Variants in ATRNL1 observed in about 807,000 individuals in gnomAD.
ATRNL1 encodes the protein attractin-like protein 1.
ATRNL1 carries 95 observed loss-of-function variants against 182.7 expected under a neutral mutation model. The ratio of observed to expected loss-of-function variants is 0.52; its 90% CI spans 0.44 to 0.62. ATRNL1 has a LOEUF of 0.62. Among genes scored for constraint, ATRNL1 ranks in the 20% least tolerant of loss-of-function variants. The pLI is 0.00. For synonymous variants in ATRNL1, 576 were observed against 568.3 expected (o/e 1.01, Z -0.19); for missense variants, 1,471 against 1,679.5 (o/e 0.88, Z 2.17).
intron 26 of ATRNL1, among the ~76,000 whole-genome samples, chr10:115,603,137 T>C (rs1486188014): frequency 6.6e-6 from 1 of 152,162 alleles, no homozygotes; most frequent in Non-Finnish European, 1.5e-5. Context: ...TGAGATTTAA[T>C]GGACGTTTCA....
At chr10:115,925,469 T>C (rs932742252) in intron 28 of ATRNL1, among the ~76,000 whole-genome samples, 1 of 152,004 alleles carries the variant, frequency 6.6e-6, no homozygotes, top group Non-Finnish European at 1.5e-5. Flanking sequence ...ACTGGTAAAT[T>C]GGATAAAGAG....
At chr10:115,479,058 T>G (rs1449536091) in intron 24 of ATRNL1, among the ~76,000 whole-genome samples, 1 of 151,588 alleles carries the variant, frequency 6.6e-6, no homozygotes, top group Non-Finnish European at 1.5e-5. Flanking sequence ...AAAGGCAGGT[T>G]TTATCTTTTC....
At chr10:115,581,449 C>A (rs1855071490) in intron 26 of ATRNL1, among the ~76,000 whole-genome samples, 1 of 152,022 alleles carries the variant, frequency 6.6e-6, no homozygotes, top group Admixed American at 6.6e-5. Flanking sequence ...CCTGCACTCT[C>A]ATTTGAACTA....
rs568411447 is a variant in ATRNL1 at position 115,429,335 on chromosome 10, T to A, written c.3322+3033T>A. On this transcript the variant is annotated intron_variant, in intron 21 of 28. Transcript: ENST00000355044. Reference sequence around the variant, plus strand: ...TGCTTGGATTTTTAAATGCAGTTAATTATATTACATGAAAATAAGCACAAT... The same window carrying A: ...TGCTTGGATTTTTAAATGCAGTTAAATATATTACATGAAAATAAGCACAAT... 3.3e-5 allele frequency among the ~76,000 whole-genome samples: 5 copies of A among 152,274 alleles called. No homozygotes were observed. In the South Asian group the frequency reaches 6.2e-4, roughly 19 times the overall value.
At chr10:115,900,535 G>T (rs1952323842) in intron 28 of ATRNL1, among the ~76,000 whole-genome samples, 1 of 152,186 alleles carries the variant, frequency 6.6e-6, no homozygotes, top group Non-Finnish European at 1.5e-5. Context: ...TGCTTATGAT[G>T]TGCCAGATGC....
chr10:115,331,943 C>T (rs1427038383), intron 18 of ATRNL1, among the ~76,000 whole-genome samples: 1 of 152,186 alleles, frequency 6.6e-6, no homozygotes, highest in African/African-American at 2.4e-5. Context: ...CACTCATAAA[C>T]ATCCTCTGTG....
At chr10:115,678,433 T>C (rs1945938376) in intron 26 of ATRNL1, among the ~76,000 whole-genome samples, 1 of 152,102 alleles carries the variant, frequency 6.6e-6, no homozygotes. Context: ...TTTAAAAATT[T>C]ATGTGGAGTA....
intron 20 of ATRNL1, among the ~76,000 whole-genome samples, chr10:115,417,260 A>G (rs1358553858): frequency 1.3e-5 from 2 of 152,184 alleles, no homozygotes; most frequent in Middle Eastern, 3.2e-3. Context: ...TTGCCCACTG[A>G]TATCAGTCTC....
At chr10:115,394,291 A>G (rs1844178786) in intron 19 of ATRNL1, among the ~76,000 whole-genome samples, 1 of 152,036 alleles carries the variant, frequency 6.6e-6, no homozygotes, top group Non-Finnish European at 1.5e-5. Context: ...TAGTGATTTT[A>G]GATGTAAATT....
At chr10:115,757,497 T>A (rs1430765589) in intron 27 of ATRNL1, among the ~76,000 whole-genome samples, 1 of 152,206 alleles carries the variant, frequency 6.6e-6, no homozygotes, top group Admixed American at 6.5e-5. Flanking sequence ...CCTACTCTCT[T>A]CTGGCTTGTA....
At chr10:115,499,726 C>T (rs2133625089) in intron 24 of ATRNL1, among the ~76,000 whole-genome samples, 1 of 152,276 alleles carries the variant, frequency 6.6e-6, no homozygotes, top group Admixed American at 6.5e-5. Context: ...TGATTAACCT[C>T]TCCAAAGGAG....
chr10:115,548,623 C>A (rs1482290184), intron 25 of ATRNL1, among the ~76,000 whole-genome samples: 1 of 152,172 alleles, frequency 6.6e-6, no homozygotes, highest in Non-Finnish European at 1.5e-5. Flanking sequence ...AAATCTCTGT[C>A]ATTTTGAGAT....
intron 8 of ATRNL1, among the ~76,000 whole-genome samples, chr10:115,203,071 T>A (rs1848652257): frequency 1.3e-5 from 2 of 152,186 alleles, no homozygotes; most frequent in Non-Finnish European, 2.9e-5. Flanking sequence ...GTGGGATCGT[T>A]TATTGGAATA....
Position 115,160,108 on chromosome 10 carries a change from A to T in ATRNL1, c.898A>T (p.Ser300Cys), listed in dbSNP as rs145125782. ...GATTCTGCCAAACGTTAAACCCTTC[A>T]GTCCTTCTGTAGGTCGGGCTTCACA... is the stretch of plus-strand genomic sequence containing the variant. ...YWILPNVKPF[S>C]PSVGRASHKA... The change falls in exon 6 of 29, where the codon AGT becomes TGT. Residue 300 changes from serine to cysteine, a missense_variant. Coordinates refer to ENST00000355044, the MANE Select transcript of ATRNL1 (RefSeq NM_207303.4). 11 of 1,612,442 alleles carry T rather than the reference A, an allele frequency of 6.8e-6. No homozygotes were observed. The African/African-American group carries it at 8.0e-5, about 12-fold the overall frequency.
At chr10:115,718,233 C>G (rs1947315799) in intron 26 of ATRNL1, among the ~76,000 whole-genome samples, 1 of 152,186 alleles carries the variant, frequency 6.6e-6, no homozygotes, top group Non-Finnish European at 1.5e-5. Context: ...GGGCAAATGT[C>G]ATTTCTCTTC....
At chr10:115,552,463 A>T (rs17093257) in intron 26 of ATRNL1, among the ~76,000 whole-genome samples, 11,070 of 151,416 alleles carry the variant, frequency 0.073, 805 homozygotes, top group African/African-American at 0.19. Flanking sequence ...TACTTAAAGG[A>T]TTCTTCTTAG....
intron 27 of ATRNL1, among the ~76,000 whole-genome samples, chr10:115,765,867 C>G (rs1948845162): frequency 6.6e-6 from 1 of 152,110 alleles, no homozygotes; most frequent in African/African-American, 2.4e-5. Context: ...GTACTATATT[C>G]AACTAGTCCC....
intron 18 of ATRNL1, among the ~76,000 whole-genome samples, chr10:115,327,651 G>T (rs1485727159): frequency 2.7e-5 from 4 of 150,428 alleles, no homozygotes; most frequent in African/African-American, 2.5e-5. Context: ...GTTTATTGCG[G>T]CACTATTCAC....
At chr10:115,176,105 C>T (rs1177643857) in intron 8 of ATRNL1, among the ~76,000 whole-genome samples, 1 of 152,130 alleles carries the variant, frequency 6.6e-6, no homozygotes, top group African/African-American at 2.4e-5. Flanking sequence ...GCATAAATGT[C>T]TTCTTTTGAG....
Sources: allele counts gnomAD v4.1 joint callset (sites outside exome capture counted in the v4.1 genomes callset), GRCh38; gene constraint gnomAD v4.1.1; transcripts MANE v1.5; gene names NCBI Gene and HGNC (gene_info 2026-07-23, HGNC 2026-07-21).